The following PTPRD variants were observed in gnomAD, a reference collection of about 807,000 sequenced individuals.
PTPRD encodes the protein receptor-type tyrosine-protein phosphatase delta.
In PTPRD, 34 loss-of-function variants were observed where a neutral mutation model predicts 214.5. The observed-to-expected ratio is 0.16, with a 90% CI of 0.12 to 0.21. The LOEUF (loss-of-function observed/expected upper bound fraction) is 0.21, where lower values mean the gene tolerates loss of function less well. Among genes scored for constraint, PTPRD ranks in the 10% least tolerant of loss-of-function variants. The pLI is 1.00. For synonymous variants in PTPRD, 1,128 were observed against 845.7 expected, an observed-to-expected ratio of 1.33 and a Z score of -5.79; for missense variants, 2,545 against 2,398.7, an observed-to-expected ratio of 1.06 and a Z score of -1.27.
At position 10,600,822 on chromosome 9, in the gene PTPRD, A is replaced by G. The variant is rs147070211; in HGVS notation, c.-600+11576T>C. Among the ~76,000 whole-genome samples, 497 of 151,926 alleles carry G rather than the reference A, an allele frequency of 3.3e-3. 5 individuals carry two copies. The highest frequency in any genetic ancestry group is 0.011 in the African/African-American group (460 of 41,506). ...AGAAAGAAGTCTCATACAGAGTACT[A>G]TATATGATACTCTGAAATCAGATTC... On this transcript the variant is annotated intron_variant, in intron 2 of 45. Transcript: ENST00000381196.
chr9:8,878,231 G>T (rs77268994), intron 11 of PTPRD, among the ~76,000 whole-genome samples: 7,978 of 152,196 alleles, frequency 0.052, 720 homozygotes, highest in African/African-American at 0.18. Context: ...TTGGAAAGCA[G>T]GGGAATTGGT....
intron 10 of PTPRD, among the ~76,000 whole-genome samples, chr9:9,150,668 G>A (rs1458792660): frequency 6.6e-6 from 1 of 151,712 alleles, no homozygotes; most frequent in Non-Finnish European, 1.5e-5. Flanking sequence ...CAGTACAGAC[G>A]GAGTTTCACT....
chr9:10,362,011 T>C (rs892212368), intron 2 of PTPRD, among the ~76,000 whole-genome samples: 13 of 152,302 alleles, frequency 8.5e-5, no homozygotes, highest in African/African-American at 2.6e-4. Context: ...TTCATGTTCA[T>C]GTTTTCAGTC....
chr9:9,838,373 A>C (rs1196876678), intron 5 of PTPRD, among the ~76,000 whole-genome samples: 1 of 152,010 alleles, frequency 6.6e-6, no homozygotes, highest in African/African-American at 2.4e-5. Context: ...GAACTAGTTT[A>C]CAGTCCCACC....
intron 3 of PTPRD, among the ~76,000 whole-genome samples, chr9:10,189,795 C>G (rs966573864): frequency 3.9e-5 from 6 of 151,998 alleles, no homozygotes; most frequent in African/African-American, 1.4e-4. Context: ...CTAGAAAAAT[C>G]ATATATAAAC....
intron 36 of PTPRD, among the ~76,000 whole-genome samples, chr9:8,398,885 T>TA (rs2091827207): frequency 6.6e-6 from 1 of 152,112 alleles, no homozygotes; most frequent in African/African-American, 2.4e-5. Context: ...TATTTTGTTA[T>TA]AGCAGCACAA....
chr9:8,718,830 A>T (rs2098463250), intron 12 of PTPRD, among the ~76,000 whole-genome samples: 1 of 152,028 alleles, frequency 6.6e-6, no homozygotes, highest in Admixed American at 6.6e-5. Flanking sequence ...CTCCCACAAA[A>T]GCGTTTCAGT....
In PTPRD at chr9:10,405,003, T is replaced by C. The variant is rs1318383577; in HGVS notation, c.-599-63986A>G. 2.1e-4 allele frequency among the ~76,000 whole-genome samples: 2 copies of C among 9,578 alleles called. 1 individual carries two copies. Among genetic ancestry groups the C allele is most frequent in the Non-Finnish European group, 7.5e-4 (2 of 2,674 alleles). The allele number at this position is 9,578 out of a possible 152,430, so 6.3% of individuals were successfully genotyped here. A position where few individuals can be genotyped will look rare whatever the true frequency, so the allele number is the denominator to read the frequency against. ...TGAACGCCACTAAATACTGTGGCAA[T>C]GGAAAGGGCCAGCTTCAGACTGATG... On this transcript the variant is annotated intron_variant, in intron 2 of 45. Transcript: ENST00000381196.
intron 3 of PTPRD, among the ~76,000 whole-genome samples, chr9:10,085,141 G>A (rs1335073989): frequency 6.6e-6 from 1 of 151,810 alleles, no homozygotes; most frequent in Non-Finnish European, 1.5e-5. Flanking sequence ...TTCTATTTGT[G>A]TAAGTAAAAT....
At chr9:8,738,748 GA>G (rs2091136456) in intron 11 of PTPRD, among the ~76,000 whole-genome samples, 2 of 149,640 alleles carry the variant, frequency 1.3e-5, no homozygotes, top group South Asian at 4.4e-4. Context: ...AACGGGAACA[GA>G]AAAGGAAAGA....
intron 5 of PTPRD, among the ~76,000 whole-genome samples, chr9:9,918,628 C>A (rs764987294): frequency 6.6e-6 from 1 of 152,010 alleles, no homozygotes; most frequent in African/African-American, 2.4e-5. Flanking sequence ...AAACTGAAGG[C>A]GTGACGCTAC....
intron 5 of PTPRD, among the ~76,000 whole-genome samples, chr9:9,923,464 G>C (rs989145072): frequency 3.4e-5 from 5 of 145,602 alleles, no homozygotes; most frequent in Admixed American, 6.9e-5. Context: ...TTAAACTATA[G>C]AAGAAAATTT....
chr9:9,617,663 G>C (rs2094959396), intron 7 of PTPRD, among the ~76,000 whole-genome samples: 1 of 152,128 alleles, frequency 6.6e-6, no homozygotes, highest in African/African-American at 2.4e-5. Flanking sequence ...TAAAACCAGA[G>C]CATAGTATTT....
intron 10 of PTPRD, among the ~76,000 whole-genome samples, chr9:9,149,395 T>C (rs942446107): frequency 1.3e-5 from 2 of 152,206 alleles, no homozygotes; most frequent in African/African-American, 2.4e-5. Flanking sequence ...AGAAAGATGA[T>C]TCAGTTTGCC....
intron 3 of PTPRD, among the ~76,000 whole-genome samples, chr9:10,051,793 A>G (rs2097540476): frequency 6.6e-6 from 1 of 152,170 alleles, no homozygotes; most frequent in Non-Finnish European, 1.5e-5. Flanking sequence ...GACGGACACA[A>G]TTACTCTTCT....
chr9:8,712,804 C>T (rs745305637), intron 12 of PTPRD, among the ~76,000 whole-genome samples: 24 of 152,106 alleles, frequency 1.6e-4, no homozygotes, highest in African/African-American at 3.6e-4. Context: ...CTGCAACCTC[C>T]GCCTCCTGGG....
intron 45 of PTPRD, among the ~76,000 whole-genome samples, 182 bp from the exon 46 acceptor site, chr9:8,318,124 G>A (rs1477885309): frequency 6.6e-6 from 1 of 151,940 alleles, no homozygotes; most frequent in African/African-American, 2.4e-5. Context: ...AGCCACATGG[G>A]GTGTTGATTA....
In PTPRD at chr9:8,881,305, A is replaced by T. The variant is rs183847424; in HGVS notation, c.-104+137392T>A. Reference sequence around the variant, plus strand: ...CTTTATAAATTCCCATTAATAACCAATAGGAAAACTTAGTCTTAAAAGAAG... The same window carrying T: ...CTTTATAAATTCCCATTAATAACCATTAGGAAAACTTAGTCTTAAAAGAAG... On this transcript the variant is annotated intron_variant, in intron 11 of 45. Coordinates refer to ENST00000381196, the MANE Select transcript of PTPRD (RefSeq NM_002839.4). 3.1e-3 allele frequency among the ~76,000 whole-genome samples: 474 copies of T among 152,340 alleles called. 3 individuals carry two copies. The highest frequency in any genetic ancestry group is 0.011 in the African/African-American group (439 of 41,580).
At chr9:8,670,253 G>C (rs866095610) in intron 12 of PTPRD, among the ~76,000 whole-genome samples, 4 of 152,104 alleles carry the variant, frequency 2.6e-5, no homozygotes, top group South Asian at 2.1e-4. Context: ...ATTTAGACTT[G>C]TTCGTCCTAT....
Sources: allele counts gnomAD v4.1 joint callset (sites outside exome capture counted in the v4.1 genomes callset), GRCh38; gene constraint gnomAD v4.1.1; transcripts MANE v1.5; gene names NCBI Gene and HGNC (gene_info 2026-07-23, HGNC 2026-07-21).